Variants in SLC6A4 observed in about 807,000 individuals in gnomAD.
SLC6A4 encodes sodium-dependent serotonin transporter.
In SLC6A4, 22 loss-of-function variants were observed where a neutral mutation model predicts 73.4. The ratio of observed to expected loss-of-function variants is 0.30; its 90% CI spans 0.21 to 0.43. SLC6A4 has a LOEUF of 0.43. Among genes scored for constraint, SLC6A4 ranks in the 20% least tolerant of loss-of-function variants. The probability of loss-of-function intolerance (pLI) is 1.00; values close to 1 mark genes in which losing one functional copy is unlikely to be tolerated. For synonymous variants in SLC6A4, 270 were observed against 315.5 expected, an observed-to-expected ratio of 0.86 and a Z score of 1.53; for missense variants, 593 against 808.5, an observed-to-expected ratio of 0.73 and a Z score of 3.23.
At chr17:30,225,164 C>T (rs1297245998) in intron 1 of SLC6A4, among the ~76,000 whole-genome samples, 3 of 152,098 alleles carry the variant, frequency 2.0e-5, no homozygotes, top group African/African-American at 4.8e-5. Flanking sequence ...GAACCCCCAC[C>T]CTCATCATAG....
At chr17:30,232,917 T>A (rs1907156721) in intron 1 of SLC6A4, among the ~76,000 whole-genome samples, 1 of 152,222 alleles carries the variant, frequency 6.6e-6, no homozygotes, top group Admixed American at 6.5e-5. Context: ...AGTACGGGGC[T>A]GTGCAGGCCA....
At position 30,216,130 on chromosome 17, in the gene SLC6A4, A is replaced by G. The variant is rs74845752; in HGVS notation, c.924T>C (p.Gly308=). The part of the protein sequence containing the change: ...RGATLPGAWR[G]VLFYLKPNWQ... ...AATTGGGTTTCAAGTAGAAGAGAAC[A>G]CCCCTCCAGGCTCCAGGGAGGGTGG... Residue 308 remains glycine, a synonymous_variant, in exon 7 of 15, where the codon GGT becomes GGC. Coordinates refer to ENST00000650711, the MANE Select transcript of SLC6A4 (RefSeq NM_001045.6). The G allele has an allele frequency of 2.8e-3, 4,518 of 1,612,412 alleles. 11 individuals carry two copies. The highest frequency in any genetic ancestry group is 3.5e-3 in the South Asian group (318 of 90,984).
intron 1 of SLC6A4, among the ~76,000 whole-genome samples, chr17:30,230,226 G>A (rs969345171): frequency 6.6e-6 from 1 of 152,072 alleles, no homozygotes; most frequent in Admixed American, 6.5e-5. Flanking sequence ...ACAACTTTTT[G>A]CAGAAAACAA....
chr17:30,216,837 G>GTTTTT (rs888920681), intron 6 of SLC6A4, among the ~76,000 whole-genome samples: 1 of 134,708 alleles, frequency 7.4e-6, no homozygotes, highest in African/African-American at 2.6e-5. Context: ...CCTGGCTATT[G>GTTTTT]TTTTTTTTTG....
In SLC6A4 at chr17:30,211,176, G is replaced by A. The variant is rs377332862; in HGVS notation, c.1317+136C>T. ...GGTGGTAAATGCCGAGGAGTCAGCC[G>A]GGGGTCTGGAGCACCAGAAGGGAGT... On this transcript the variant is annotated intron_variant, in intron 10 of 14. Transcript: ENST00000650711. This position sits in a 1 kb window ranked among gnomAD's most constrained non-coding sequence, Gnocchi z 4.0. 5.3e-5 allele frequency: 33 copies of A among 621,964 alleles called. 1 individual carries two copies. The highest frequency in any genetic ancestry group is 3.5e-4 in the Admixed American group (13 of 37,258). The allele number at this position is 621,964 out of a possible 1,614,324, so 38.5% of individuals were successfully genotyped here. A position where few individuals can be genotyped will look rare whatever the true frequency, so the allele number is the denominator to read the frequency against.
intron 1 of SLC6A4, among the ~76,000 whole-genome samples, chr17:30,232,373 A>G (rs1907138554): frequency 6.6e-6 from 1 of 152,176 alleles, no homozygotes; most frequent in African/African-American, 2.4e-5. Flanking sequence ...GAATGACCTG[A>G]AGAACTGGAC....
chr17:30,231,816 C>T (rs549188348), intron 1 of SLC6A4, among the ~76,000 whole-genome samples: 7 of 152,274 alleles, frequency 4.6e-5, no homozygotes, highest in Admixed American at 2.0e-4. Context: ...CCTGTTCCTT[C>T]GGCCCAGCTC....
intron 1 of SLC6A4, among the ~76,000 whole-genome samples, chr17:30,233,123 A>T (rs962062630): frequency 1.3e-5 from 2 of 152,186 alleles, no homozygotes; most frequent in Non-Finnish European, 2.9e-5. Context: ...AGAGCAAGGG[A>T]GTCTGCCTCA....
intron 8 of SLC6A4, among the ~76,000 whole-genome samples, chr17:30,213,352 G>T (rs1344445496): frequency 6.7e-6 from 1 of 148,810 alleles, no homozygotes; most frequent in Non-Finnish European, 1.5e-5. Flanking sequence ...GCCCAGGCTG[G>T]AGTGCAGTGG....
chr17:30,228,681 G>A (rs957378531), intron 1 of SLC6A4, among the ~76,000 whole-genome samples: 16 of 152,182 alleles, frequency 1.1e-4, no homozygotes, highest in African/African-American at 3.1e-4. Flanking sequence ...GTCCCCACCT[G>A]TAGCTTCCCT....
chr17:30,210,731 G>A, intron 10 of SLC6A4, 85 bp from the exon 11 acceptor site: 1 of 1,453,806 alleles, frequency 6.9e-7, no homozygotes, highest in Non-Finnish European at 9.3e-7. Context: ...GGAGGGGTAA[G>A]GTTGCTAAGT....
In SLC6A4 at chr17:30,218,899, T is replaced by C. The variant is rs755449138; in HGVS notation, c.376A>G (p.Ile126Val). Residue 126 changes from isoleucine (I) to valine (V), a missense_variant, in exon 4 of 15, where the codon ATT (isoleucine) becomes GTT (valine). Ile to Val is a conservative substitution (Grantham distance 29). Transcript: ENST00000650711. The stretch of plus-strand genomic sequence containing the variant: ...TAAAAGAGCGGGATTCCCCCAAAAA[T>C]GGCCATGATGGTGTAGGGGAGGAGG... ...AFLLPYTIMA[I>V]FGGIPLFYME... 4 of 1,613,736 alleles carry C rather than the reference T, an allele frequency of 2.5e-6. No individual in the cohort carries two copies. The African/African-American group carries it at 5.3e-5, about 22-fold the overall frequency.
In SLC6A4 at chr17:30,221,906, C is replaced by T; in HGVS notation, c.53G>A (p.Gly18Glu). ...AACTCCGTTTTCCTGACAATCTTCTCCATCTTCACACGCTGATAGCTGCTT... is the reference window on the plus strand; with the variant it reads ...AACTCCGTTTTCCTGACAATCTTCTTCATCTTCACACGCTGATAGCTGCTT... ...SQKQLSACED[G>E]EDCQENGVLQ... The change falls in exon 3 of 15, where the codon GGA becomes GAA. Residue 18 changes from glycine to glutamate, a missense_variant. By Grantham distance (98) the Gly-to-Glu change is moderately conservative (BLOSUM62 -2). Coordinates refer to ENST00000650711, the MANE Select transcript of SLC6A4 (RefSeq NM_001045.6). 2 of 1,614,158 alleles carry T rather than the reference C, an allele frequency of 1.2e-6. No individual in the cohort carries two copies. The highest frequency in any genetic ancestry group is 1.7e-6 in the Non-Finnish European group (2 of 1,180,026).
In SLC6A4 at chr17:30,218,107, C is replaced by A. The variant is rs140699; in HGVS notation, c.698+11G>T. Reference sequence around the variant, plus strand: ...CCCTAACAGGCCAACCCCTCACTTACGTGCACTTACGTGTAAAATTCTTCA... The same window carrying A: ...CCCTAACAGGCCAACCCCTCACTTAAGTGCACTTACGTGTAAAATTCTTCA... On this transcript the variant is annotated intron_variant, in intron 5 of 14. Coordinates refer to ENST00000650711, the MANE Select transcript of SLC6A4 (RefSeq NM_001045.6). The A allele has an allele frequency of 3.7e-6, 6 of 1,611,638 alleles. No homozygotes were observed. The South Asian group carries it at 5.5e-5, about 15-fold the overall frequency.
intron 1 of SLC6A4, among the ~76,000 whole-genome samples, chr17:30,230,110 A>AGAAGAG (rs1597647105): frequency 7.9e-6 from 1 of 127,242 alleles, no homozygotes; most frequent in East Asian, 2.6e-4. Flanking sequence ...AGGAAGAGGA[A>AGAAGAG]GAGGAAGAGG....
In SLC6A4 at chr17:30,195,038, T is replaced by C. The variant is rs201784755; in HGVS notation, c.*3418A>G. ...TGGCATAGATTCTGTGAGGTGTTGG[T>C]AAGAGAAATACCACCTGACATTCCA... On this transcript the variant is annotated 3_prime_UTR_variant, in exon 15 of 15. Transcript: ENST00000650711. The C allele has an allele frequency of 1.3e-5, 2 of 152,308 alleles. No individual in the cohort carries two copies. Among genetic ancestry groups the C allele is most frequent in the South Asian group, 4.1e-4 (2 of 4,832 alleles). The allele number at this position is 152,308 out of a possible 1,614,324, so 9.4% of individuals were successfully genotyped here.
intron 13 of SLC6A4, among the ~76,000 whole-genome samples, chr17:30,205,521 C>A (rs1229423828): frequency 6.6e-6 from 1 of 152,150 alleles, no homozygotes; most frequent in Non-Finnish European, 1.5e-5. Context: ...TTCCAACAAC[C>A]CTCTCACTGA....
At chr17:30,221,226 C>T (rs1906738585) in intron 3 of SLC6A4, among the ~76,000 whole-genome samples, 1 of 152,084 alleles carries the variant, frequency 6.6e-6, no homozygotes, top group Non-Finnish European at 1.5e-5. Context: ...ATCCACCTGC[C>T]TCAGCCTCCC....
At chr17:30,203,835 A>G (rs1906109665) in intron 13 of SLC6A4, among the ~76,000 whole-genome samples, 1 of 152,242 alleles carries the variant, frequency 6.6e-6, no homozygotes, top group Admixed American at 6.5e-5. Context: ...GTCAGACGGA[A>G]GGTGCCTGAT....
Sources: gnomAD v4.1 joint callset for allele counts (sites outside exome capture counted in the v4.1 genomes callset) on GRCh38, gnomAD v4.1.1 for gene constraint, Gnocchi (gnomAD v3.1) non-coding constraint, MANE v1.5 for transcripts, NCBI Gene and HGNC (gene_info 2026-07-23, HGNC 2026-07-21) for gene names.